TTLL5: variants seen among roughly 807,000 people sequenced by gnomAD.
The protein encoded by TTLL5 is tubulin polyglutamylase TTLL5.
In TTLL5, 132 loss-of-function variants were observed where a neutral mutation model predicts 168.4. That is an observed-to-expected ratio of 0.78 (90% CI 0.68 to 0.91). The LOEUF is 0.91. Ranked by LOEUF, TTLL5 falls within the 40% of genes least tolerant of loss-of-function variation. TTLL5 has a pLI of 0.00. For missense variants in TTLL5, 1,545 were observed against 1,581.5 expected, an observed-to-expected ratio of 0.98 and a Z score of 0.39; for synonymous variants, 546 against 558.6, an observed-to-expected ratio of 0.98 and a Z score of 0.32.
chr14:75,867,250 T>C (rs1481355067), intron 29 of TTLL5, among the ~76,000 whole-genome samples: 3 of 152,146 alleles, frequency 2.0e-5, no homozygotes, highest in Non-Finnish European at 4.4e-5. Context: ...GGCCTATAGG[T>C]CCTAGTGTGC....
At chr14:75,952,768 A>G (rs2035002033) in intron 31 of TTLL5, among the ~76,000 whole-genome samples, 1 of 152,262 alleles carries the variant, frequency 6.6e-6, no homozygotes, top group African/African-American at 2.4e-5. Flanking sequence ...CCGAAGGATC[A>G]TTGCATGATT....
chr14:75,742,554 C>A (rs1232808643), intron 15 of TTLL5, among the ~76,000 whole-genome samples: 2 of 152,180 alleles, frequency 1.3e-5, no homozygotes, highest in Admixed American at 1.3e-4. Context: ...TGCCACCAAG[C>A]CCAGCTAATT....
intron 3 of TTLL5, among the ~76,000 whole-genome samples, chr14:75,678,900 G>A (rs1884386158): frequency 6.6e-6 from 1 of 152,116 alleles, no homozygotes; most frequent in Non-Finnish European, 1.5e-5. Context: ...ATGTATGCGT[G>A]TCCTATTCCC....
chr14:75,846,133 A>G (rs999086344), intron 28 of TTLL5, among the ~76,000 whole-genome samples: 1 of 152,246 alleles, frequency 6.6e-6, no homozygotes, highest in African/African-American at 2.4e-5. Flanking sequence ...GAGGCTAACT[A>G]TCAATATATG....
In TTLL5 at chr14:75,717,843, C is replaced by T; in HGVS notation, c.741-18C>T. On this transcript the variant is annotated intron_variant, in intron 9 of 31. Coordinates refer to ENST00000298832, the MANE Select transcript of TTLL5 (RefSeq NM_015072.5). ...TGAAACTCTGTTCCTGGCATTTAACCTGTTTCCCTTCTATCAGGTTTGCAA... is the reference window on the plus strand; with the variant it reads ...TGAAACTCTGTTCCTGGCATTTAACTTGTTTCCCTTCTATCAGGTTTGCAA... 6.2e-7 allele frequency: 1 copy of T among 1,611,620 alleles called. No individual in the cohort carries two copies. The highest frequency in any genetic ancestry group is 8.5e-7 in the Non-Finnish European group (1 of 1,178,342).
At chr14:75,903,219 C>T (rs930931636) in intron 31 of TTLL5, among the ~76,000 whole-genome samples, 17 of 152,018 alleles carry the variant, frequency 1.1e-4, no homozygotes, top group African/African-American at 4.1e-4. Context: ...CCTAAGCAGT[C>T]GAGCCCAGAT....
At chr14:75,766,006 G>T in intron 19 of TTLL5, 56 bp from the exon 20 acceptor site, 1 of 1,492,132 alleles carries the variant, frequency 6.7e-7, no homozygotes, top group Non-Finnish European at 9.1e-7. Flanking sequence ...GAAGGTATTG[G>T]GAGAGAGGAA....
At chr14:75,902,281 T>G (rs2032958621) in intron 31 of TTLL5, 57 bp downstream of exon 31, 1 of 1,561,736 alleles carries the variant, frequency 6.4e-7, no homozygotes, top group African/African-American at 1.4e-5. Context: ...GTGTTGGGCT[T>G]GGCACATTCT....
At chr14:75,852,996 A>G (rs79922499) in intron 28 of TTLL5, among the ~76,000 whole-genome samples, 2,807 of 152,328 alleles carry the variant, frequency 0.018, 87 homozygotes, top group African/African-American at 0.061. Flanking sequence ...GTAGTTATCA[A>G]TCATTCATTG....
chr14:75,882,228 C>T (rs2031855802), intron 29 of TTLL5, among the ~76,000 whole-genome samples: 1 of 152,176 alleles, frequency 6.6e-6, no homozygotes, highest in Non-Finnish European at 1.5e-5. Context: ...CCCTTGCCTC[C>T]TGCCTGCAAA....
intron 9 of TTLL5, among the ~76,000 whole-genome samples, chr14:75,714,246 A>G (rs1376613282): frequency 6.6e-6 from 1 of 152,184 alleles, no homozygotes; most frequent in Non-Finnish European, 1.5e-5. Flanking sequence ...CATGCTAGTC[A>G]TTTAGTGGTG....
intron 30 of TTLL5, among the ~76,000 whole-genome samples, chr14:75,896,819 T>C (rs2032683960): frequency 6.6e-6 from 1 of 152,130 alleles, no homozygotes; most frequent in African/African-American, 2.4e-5. Context: ...TCAGAAACCT[T>C]ACCAGCAAAA....
chr14:75,820,405 G>A (rs1021761643), intron 28 of TTLL5, among the ~76,000 whole-genome samples: 3 of 152,120 alleles, frequency 2.0e-5, no homozygotes, highest in Admixed American at 6.5e-5. Context: ...GGGTAAAAGA[G>A]CAAGAATTTA....
At chr14:75,881,947 G>T (rs1443929102) in intron 29 of TTLL5, among the ~76,000 whole-genome samples, 1 of 152,162 alleles carries the variant, frequency 6.6e-6, no homozygotes, top group African/African-American at 2.4e-5. Flanking sequence ...TGTTTAGATG[G>T]TGATTTTTAG....
chr14:75,767,789 T>TTAGG (rs764675065), intron 20 of TTLL5, among the ~76,000 whole-genome samples: 5 of 152,002 alleles, frequency 3.3e-5, no homozygotes, highest in Non-Finnish European at 7.4e-5. Flanking sequence ...GGGGGGTGAG[T>TTAGG]TAGGGACTGT....
intron 31 of TTLL5, among the ~76,000 whole-genome samples, chr14:75,939,142 T>C (rs1000615185): frequency 1.3e-5 from 2 of 152,222 alleles, no homozygotes; most frequent in Non-Finnish European, 2.9e-5. Flanking sequence ...TTAAACATTT[T>C]CTAGCACACC....
chr14:75,873,316 C>CACCT (rs759151536), intron 29 of TTLL5, among the ~76,000 whole-genome samples: 2 of 152,226 alleles, frequency 1.3e-5, no homozygotes, highest in East Asian at 3.9e-4. Flanking sequence ...CCTCGTGATC[C>CACCT]GCCTGCCTTG....
chr14:75,818,365 T>C (rs941558456), intron 27 of TTLL5, among the ~76,000 whole-genome samples: 1 of 152,194 alleles, frequency 6.6e-6, no homozygotes, highest in African/African-American at 2.4e-5. Context: ...CACTTGTGTT[T>C]GTGTGTGTAT....
chr14:75,683,480 C>A, intron 4 of TTLL5, 70 bp from the exon 5 acceptor site: 1 of 1,258,292 alleles, frequency 7.9e-7, no homozygotes, highest in Non-Finnish European at 1.2e-6. Flanking sequence ...GCTTTTTCTG[C>A]CATTGCTTTT....
Sources: gnomAD v4.1 joint callset for allele counts (sites outside exome capture counted in the v4.1 genomes callset) on GRCh38, gnomAD v4.1.1 for gene constraint, MANE v1.5 for transcripts, NCBI Gene and HGNC (gene_info 2026-07-23, HGNC 2026-07-21) for gene names.